Variants in BCOR observed in about 807,000 individuals in gnomAD.
BCOR encodes BCL-6 corepressor.
A neutral mutation model predicts 86.7 loss-of-function variants in BCOR; 10 were observed. The ratio of observed to expected loss-of-function variants is 0.12; its 90% CI spans 0.07 to 0.20. The LOEUF is 0.20. Among genes scored for constraint, BCOR ranks in the 10% least tolerant of loss-of-function variants. The pLI is 1.00. For missense variants in BCOR, 1,259 were observed against 1,452.1 expected, an observed-to-expected ratio of 0.87 and a Z score of 2.16; for synonymous variants, 611 against 609.0, an observed-to-expected ratio of 1.00 and a Z score of -0.05.
chrX:40,093,963 G>C (rs1485373758), intron 1 of BCOR, among the ~76,000 whole-genome samples: 1 of 111,123 alleles, frequency 9.0e-6, no homozygotes, highest in Admixed American at 9.6e-5. Context: ...AGCTGCGTTT[G>C]GTTTGTGGAA....
intron 1 of BCOR, among the ~76,000 whole-genome samples, chrX:40,122,370 A>G (rs1447217493): frequency 9.0e-6 from 1 of 110,972 alleles, no homozygotes; most frequent in African/African-American, 3.3e-5. Context: ...CCAGGCCACA[A>G]GAACTACCCC....
chrX:40,155,815 C>G (rs1470878730), intron 1 of BCOR, among the ~76,000 whole-genome samples: 1 of 112,674 alleles, frequency 8.9e-6, no homozygotes, highest in Non-Finnish European at 1.9e-5. Context: ...CGCAGCGCGC[C>G]GCGGGCCCGC....
At chrX:40,135,694 A>G (rs777847902) in intron 1 of BCOR, among the ~76,000 whole-genome samples, 2 of 111,532 alleles carry the variant, frequency 1.8e-5, no homozygotes, top group Non-Finnish European at 3.8e-5. Context: ...CCGGCCCTTC[A>G]TGGCCTTTTT....
intron 1 of BCOR, among the ~76,000 whole-genome samples, chrX:40,118,325 C>T (rs113921295): frequency 5.1e-4 from 56 of 110,830 alleles, no homozygotes; most frequent in Non-Finnish European, 1.7e-4. Context: ...TGCAGTGGCG[C>T]GATCTCAGCT....
intron 1 of BCOR, among the ~76,000 whole-genome samples, chrX:40,148,457 C>T (rs966136574): frequency 9.0e-6 from 1 of 111,085 alleles, no homozygotes; most frequent in Non-Finnish European, 1.9e-5. Context: ...TGGGCCTCCT[C>T]CAAACCGGAT....
intron 6 of BCOR, among the ~76,000 whole-genome samples, chrX:40,069,048 G>A (rs1935341081): frequency 1.8e-5 from 2 of 112,391 alleles, no homozygotes; most frequent in Admixed American, 9.3e-5. Context: ...CTTGGCTCTG[G>A]GCCACAGTGA....
rs369137090 is a variant in BCOR, at chrX:40,082,476, T to C, written c.-40-4507A>G. 1.6e-4 allele frequency among the ~76,000 whole-genome samples: 18 copies of C among 111,582 alleles called. 1 individual carries two copies. The East Asian group carries it at 4.8e-3, about 30-fold the overall frequency. ...TTCCCCTTGCCCCCACCGGCAGCTATCCAGCAGTTAACAGCCAGAAGAACT... is the reference window on the plus strand; with the variant it reads ...TTCCCCTTGCCCCCACCGGCAGCTACCCAGCAGTTAACAGCCAGAAGAACT... On this transcript the variant is annotated intron_variant, in intron 1 of 14. Coordinates refer to ENST00000378444, the MANE Select transcript of BCOR (RefSeq NM_001123385.2).
intron 3 of BCOR, among the ~76,000 whole-genome samples, 199 bp downstream of exon 3, chrX:40,076,255 T>A (rs1422054450): frequency 1.8e-5 from 2 of 111,774 alleles, no homozygotes; most frequent in African/African-American, 6.5e-5. Flanking sequence ...GACAGGGACA[T>A]GTGTGGCGAG....
intron 6 of BCOR, among the ~76,000 whole-genome samples, chrX:40,066,888 G>A (rs962680230): frequency 1.0e-5 from 1 of 96,925 alleles, no homozygotes; most frequent in Non-Finnish European, 2.0e-5. Context: ...CACCCAGAAC[G>A]AACTGCCCTG....
chrX:40,139,394 CAT>C (rs57283656), intron 1 of BCOR, among the ~76,000 whole-genome samples: 107 of 4,892 alleles, frequency 0.022, 13 homozygotes, highest in East Asian at 0.076. Context: ...AATATATATA[CAT>C]ATATATATAT....
chrX:40,067,406 G>T (rs1006045730), intron 6 of BCOR, among the ~76,000 whole-genome samples: 2 of 111,741 alleles, frequency 1.8e-5, no homozygotes, highest in Non-Finnish European at 3.8e-5. Context: ...CCCATTCATG[G>T]GGAAGCCAGC....
At chrX:40,101,195 C>T (rs1937067165), upstream of BCOR, among the ~76,000 whole-genome samples, 2 of 111,255 alleles carry the variant, frequency 1.8e-5, no homozygotes, top group Non-Finnish European at 3.8e-5. Flanking sequence ...TAAGAAGGGG[C>T]TCAGGGAGCT....
chrX:40,139,470 T>TATATATATATATAC (rs1937835832), intron 1 of BCOR, among the ~76,000 whole-genome samples: 1 of 8,268 alleles, frequency 1.2e-4, no homozygotes, highest in Non-Finnish European at 1.6e-4. Flanking sequence ...TATATATATA[T>TATATATATATATAC]ATATATATAT....
At chrX:40,096,533 G>T (rs922591706) in intron 1 of BCOR, among the ~76,000 whole-genome samples, 15 of 111,002 alleles carry the variant, frequency 1.4e-4, no homozygotes, top group Non-Finnish European at 2.5e-4. Context: ...TTTAATCCAC[G>T]TGATTCGTGC....
At chrX:40,128,551 A>T (rs1358120761) in intron 1 of BCOR, among the ~76,000 whole-genome samples, 1 of 112,039 alleles carries the variant, frequency 8.9e-6, no homozygotes, top group East Asian at 2.8e-4. Flanking sequence ...GTCTCCAAAA[A>T]AAAGAATATT....
intron 1 of BCOR, among the ~76,000 whole-genome samples, chrX:40,095,065 A>C (rs1264213722): frequency 1.8e-5 from 2 of 112,137 alleles, no homozygotes; most frequent in Non-Finnish European, 3.8e-5. Flanking sequence ...ACCCCAAGGC[A>C]ATTGGTGTGC....
chrX:40,087,114 C>T (rs893840909), intron 1 of BCOR, among the ~76,000 whole-genome samples: 1 of 113,298 alleles, frequency 8.8e-6, no homozygotes, highest in Admixed American at 9.2e-5. Context: ...TGGGGTCTGG[C>T]CGGGCTGGGG....
chrX:40,112,779 CTTGTAGCGGGTGCTAGGGAA>C (rs1482871934), intron 1 of BCOR, among the ~76,000 whole-genome samples: 1 of 111,487 alleles, frequency 9.0e-6, no homozygotes, highest in Non-Finnish European at 1.9e-5. Context: ...AATGCCAGGC[CTTGTAGCGGGTGCTAGGGAA>C]ACAGTGGTGA....
At chrX:40,154,081 C>A (rs1382988514) in intron 1 of BCOR, among the ~76,000 whole-genome samples, 1 of 109,615 alleles carries the variant, frequency 9.1e-6, no homozygotes, top group Non-Finnish European at 1.9e-5. Flanking sequence ...GGGGGAGGGG[C>A]GCCACCGAGC....
Sources: allele counts gnomAD v4.1 joint callset (sites outside exome capture counted in the v4.1 genomes callset), GRCh38; gene constraint gnomAD v4.1.1; transcripts MANE v1.5; gene names NCBI Gene and HGNC (gene_info 2026-07-23, HGNC 2026-07-21).